HECTD2: variants seen among roughly 807,000 people sequenced by gnomAD.
HECTD2 encodes HECT domain E3 ubiquitin protein ligase 2, also known as probable E3 ubiquitin-protein ligase HECTD2.
HECTD2 carries 35 observed loss-of-function variants against 103.2 expected under a neutral mutation model. The ratio of observed to expected loss-of-function variants is 0.34; its 90% confidence interval spans 0.26 to 0.45. HECTD2 has a LOEUF of 0.45. Among genes scored for constraint, HECTD2 ranks in the 20% least tolerant of loss-of-function variants. HECTD2 has a pLI of 1.00. For synonymous variants in HECTD2, 281 were observed against 329.9 expected (o/e 0.85, Z 1.61); for missense variants, 596 against 937.4 (o/e 0.64, Z 4.76).
chr10:91,461,220 A>G (rs370145913), intron 3 of HECTD2, 34 bp from the exon 4 acceptor site: 4 of 903,174 alleles, frequency 4.4e-6, no homozygotes, highest in East Asian at 2.8e-5. Flanking sequence ...TAATATTTCT[A>G]TATGTATATA....
chr10:91,489,781 A>G (rs1266834604), intron 11 of HECTD2: 1 of 152,198 alleles, frequency 6.6e-6, no homozygotes, highest in Non-Finnish European at 1.5e-5. Context: ...GAAAGCTCCA[A>G]ATTAGTGTTT....
intron 14 of HECTD2, among the ~76,000 whole-genome samples, chr10:91,495,887 G>C (rs1411299477): frequency 6.6e-6 from 1 of 152,084 alleles, no homozygotes; most frequent in Non-Finnish European, 1.5e-5. Flanking sequence ...CAGCATCTTT[G>C]TTTAAATTTA....
At chr10:91,427,391 G>C (rs1346715363) in intron 2 of HECTD2, among the ~76,000 whole-genome samples, 1 of 152,006 alleles carries the variant, frequency 6.6e-6, no homozygotes, top group African/African-American at 2.4e-5. Context: ...GGGTCAAATG[G>C]TATTTCTAGT....
intron 1 of HECTD2, among the ~76,000 whole-genome samples, chr10:91,420,063 C>T (rs1424842823): frequency 6.6e-6 from 1 of 151,806 alleles, no homozygotes; most frequent in African/African-American, 2.4e-5. Flanking sequence ...TTTTTTTTCT[C>T]ATGAAAGTCT....
At chr10:91,422,588 ATAAGGAATGATT>A (rs1843400376) in intron 1 of HECTD2, among the ~76,000 whole-genome samples, 1 of 152,168 alleles carries the variant, frequency 6.6e-6, no homozygotes, top group Non-Finnish European at 1.5e-5. Context: ...AATACATATA[ATAAGGAATGATT>A]TACTTTTTCA....
intron 1 of HECTD2, among the ~76,000 whole-genome samples, chr10:91,424,822 A>C (rs903648765): frequency 1.3e-5 from 2 of 152,080 alleles, no homozygotes; most frequent in Non-Finnish European, 2.9e-5. Context: ...CTGAACTTGT[A>C]AAGTTGCATC....
intron 14 of HECTD2, among the ~76,000 whole-genome samples, chr10:91,494,431 G>A (rs1450965820): frequency 6.6e-6 from 1 of 152,068 alleles, no homozygotes; most frequent in African/African-American, 2.4e-5. Context: ...GGGCTTGGTA[G>A]AGAGCAGCAG....
intron 2 of HECTD2, among the ~76,000 whole-genome samples, chr10:91,455,534 CTG>C (rs1182007852): frequency 1.2e-4 from 18 of 152,122 alleles, no homozygotes; most frequent in Admixed American, 4.6e-4. Context: ...CCTGTTCACT[CTG>C]ATGGTAGTTT....
At chr10:91,445,816 G>A (rs867202775) in intron 2 of HECTD2, among the ~76,000 whole-genome samples, 1 of 152,056 alleles carries the variant, frequency 6.6e-6, no homozygotes, top group Non-Finnish European at 1.5e-5. Flanking sequence ...AAGGGAAGTC[G>A]TGAGAGACTG....
At chr10:91,424,182 C>G (rs993895595) in intron 1 of HECTD2, among the ~76,000 whole-genome samples, 1 of 152,078 alleles carries the variant, frequency 6.6e-6, no homozygotes, top group African/African-American at 2.4e-5. Flanking sequence ...TAGAGTTTTG[C>G]CCCAGTCTTA....
chr10:91,466,364 C>T (rs1845533112), intron 5 of HECTD2, among the ~76,000 whole-genome samples: 1 of 152,090 alleles, frequency 6.6e-6, no homozygotes, highest in African/African-American at 2.4e-5. Context: ...AAAAAAAAAT[C>T]AGCATTTTGT....
intron 20 of HECTD2, among the ~76,000 whole-genome samples, chr10:91,511,773 G>T (rs1847431895): frequency 6.6e-6 from 1 of 152,142 alleles, no homozygotes; most frequent in South Asian, 2.1e-4. Context: ...CTCCTGTTGT[G>T]CAGCCCAGTT....
Position 91,484,661 on chromosome 10 carries a change from T to C in HECTD2, c.970+6T>C. On this transcript the variant is annotated splice_donor_region_variant and intron_variant, in intron 9 of 20. Coordinates refer to ENST00000298068, the MANE Select transcript of HECTD2 (RefSeq NM_182765.6). ...TAAAGTGTTGGCTTTACTTAGTAGG[T>C]TTTTATTATTCTATCATTTTTTACT... is the stretch of plus-strand genomic sequence containing the variant. The C allele has an allele frequency of 6.3e-7, 1 of 1,580,964 alleles. No individual in the cohort carries two copies. Among genetic ancestry groups the C allele is most frequent in the Non-Finnish European group, 8.6e-7 (1 of 1,168,078 alleles).
chr10:91,429,610 A>G (rs1240358289), intron 2 of HECTD2, among the ~76,000 whole-genome samples: 2 of 152,010 alleles, frequency 1.3e-5, no homozygotes, highest in Admixed American at 6.6e-5. Flanking sequence ...GTCTTGGCAG[A>G]GTGTATGTGT....
chr10:91,503,399 G>A (rs1011705830), intron 20 of HECTD2, among the ~76,000 whole-genome samples: 1 of 152,206 alleles, frequency 6.6e-6, no homozygotes, highest in Non-Finnish European at 1.5e-5. Context: ...CCAGACAGTG[G>A]GCGCAGGTCA....
intron 20 of HECTD2, among the ~76,000 whole-genome samples, chr10:91,502,047 C>T (rs1051798499): frequency 2.0e-5 from 3 of 152,052 alleles, no homozygotes; most frequent in Admixed American, 2.0e-4. Context: ...ACTGCCTCTA[C>T]CTTGGTAAAG....
chr10:91,416,533 A>G (rs1370061524), intron 1 of HECTD2, among the ~76,000 whole-genome samples: 1 of 152,186 alleles, frequency 6.6e-6, no homozygotes, highest in Non-Finnish European at 1.5e-5. Context: ...GCTATATCAT[A>G]TAACCTAGGT....
At chr10:91,410,336 G>T (rs999199457), upstream of HECTD2, 19 of 622,822 alleles carry the variant, frequency 3.1e-5, no homozygotes, top group South Asian at 2.2e-4. Flanking sequence ...GGCTAGAAGC[G>T]GCAGCCCAGA....
intron 20 of HECTD2, among the ~76,000 whole-genome samples, chr10:91,508,934 C>T (rs1847308118): frequency 6.6e-6 from 1 of 151,734 alleles, no homozygotes. Context: ...CCATGGAATA[C>T]TATGCAGCCA....
Sources: allele counts gnomAD v4.1 joint callset (sites outside exome capture counted in the v4.1 genomes callset), GRCh38; gene constraint gnomAD v4.1.1; transcripts MANE v1.5; gene names NCBI Gene and HGNC (gene_info 2026-07-23, HGNC 2026-07-21).